MECOM: variants seen among roughly 807,000 people sequenced by gnomAD.
The protein encoded by MECOM is histone-lysine N-methyltransferase MECOM.
MECOM carries 13 observed loss-of-function variants against 116.3 expected under a neutral mutation model. The observed-to-expected ratio is 0.11, with a 90% CI of 0.07 to 0.18. The LOEUF is 0.18. Among genes scored for constraint, MECOM ranks in the 10% least tolerant of loss-of-function variants. The pLI, the probability that MECOM is intolerant of heterozygous loss-of-function variation, is 1.00. For synonymous variants in MECOM, 528 were observed against 535.2 expected, an observed-to-expected ratio of 0.99 and a Z score of 0.19; for missense variants, 1,299 against 1,509.0, an observed-to-expected ratio of 0.86 and a Z score of 2.31.
chr3:169,103,367 A>C (rs1250155754), intron 10 of MECOM, among the ~76,000 whole-genome samples: 1 of 152,118 alleles, frequency 6.6e-6, no homozygotes, highest in East Asian at 1.9e-4. Context: ...TTTATTTGGA[A>C]GCTGCTTATT....
chr3:169,381,711 T>G (rs1051920668), intron 1 of MECOM, among the ~76,000 whole-genome samples, 187 bp from the exon 2 acceptor site: 6 of 152,182 alleles, frequency 3.9e-5, no homozygotes, highest in Admixed American at 3.3e-4. Flanking sequence ...CCTCTGTGGT[T>G]TATCTGTGGT....
intron 1 of MECOM, among the ~76,000 whole-genome samples, chr3:169,661,537 A>C (rs1419458816): frequency 6.6e-6 from 1 of 152,172 alleles, no homozygotes; most frequent in Non-Finnish European, 1.5e-5. Flanking sequence ...AAAGAGCCCT[A>C]TATTTAGGTT....
intron 2 of MECOM, among the ~76,000 whole-genome samples, chr3:169,360,930 C>G (rs1044543763): frequency 1.3e-4 from 19 of 151,766 alleles, no homozygotes; most frequent in African/African-American, 4.3e-4. Flanking sequence ...GTTCTCTAAA[C>G]TAGATCATAC....
chr3:169,173,866 A>T (rs1744785482), intron 2 of MECOM, among the ~76,000 whole-genome samples: 1 of 152,184 alleles, frequency 6.6e-6, no homozygotes, highest in South Asian at 2.1e-4. Flanking sequence ...AAGGCACTCC[A>T]TGTAGCCTCA....
At chr3:169,162,490 G>T (rs1742991911) in intron 2 of MECOM, among the ~76,000 whole-genome samples, 1 of 152,080 alleles carries the variant, frequency 6.6e-6, no homozygotes, top group Admixed American at 6.6e-5. Context: ...GGCATGGTAG[G>T]GGAAGCTTCA....
chr3:169,217,900 T>C (rs964744323), intron 2 of MECOM, among the ~76,000 whole-genome samples: 1 of 150,708 alleles, frequency 6.6e-6, no homozygotes, highest in Non-Finnish European at 1.5e-5. Context: ...CAGCATAGGG[T>C]AGTTTTTCTC....
intron 1 of MECOM, among the ~76,000 whole-genome samples, chr3:169,616,382 G>C (rs1770008422): frequency 6.6e-6 from 1 of 152,130 alleles, no homozygotes. Context: ...GTCTTGCTCT[G>C]TTGCCCAGGC....
At chr3:169,378,872 T>C (rs542500381) in intron 2 of MECOM, among the ~76,000 whole-genome samples, 13 of 152,198 alleles carry the variant, frequency 8.5e-5, no homozygotes, top group Non-Finnish European at 1.9e-4. Context: ...CCCTCAATAA[T>C]TGTTTGCTGA....
intron 2 of MECOM, among the ~76,000 whole-genome samples, chr3:169,205,197 A>G (rs551306682): frequency 3.9e-5 from 6 of 152,160 alleles, no homozygotes; most frequent in African/African-American, 7.2e-5. Context: ...GAATTTTTAT[A>G]AGTGAGTTAT....
intron 2 of MECOM, among the ~76,000 whole-genome samples, chr3:169,161,854 G>T (rs934247619): frequency 6.6e-6 from 1 of 152,064 alleles, no homozygotes; most frequent in Admixed American, 6.6e-5. Flanking sequence ...GGCCTATGCG[G>T]GGAACAATTA....
intron 2 of MECOM, chr3:169,146,828 C>G (rs1442507301): frequency 9.2e-7 from 1 of 1,082,512 alleles, no homozygotes; most frequent in Non-Finnish European, 1.1e-6. Context: ...GCACGAAAAT[C>G]CTTTCAAACG....
At position 169,470,161 on chromosome 3, in the gene MECOM, C is replaced by A. The variant is rs575324457; in HGVS notation, c.38-88637G>T. ...ATTTTGCAGAAGCTTGGAGTTGGAA[C>A]AATTCTAGCTTATTGAGGAGCTCTT... is the stretch of plus-strand genomic sequence containing the variant. On this transcript the variant is annotated intron_variant, in intron 1 of 16. Transcript: ENST00000651503. 4.9e-4 allele frequency: 75 copies of A among 152,274 alleles called. 2 individuals carry two copies. The highest frequency in any genetic ancestry group is 1.8e-3 in the African/African-American group (75 of 41,558). 9.4% of individuals were successfully genotyped at this position (152,274 alleles called of 1,614,324 possible).
intron 2 of MECOM, among the ~76,000 whole-genome samples, chr3:169,144,705 A>G (rs1739208158): frequency 6.6e-6 from 1 of 152,174 alleles, no homozygotes; most frequent in Non-Finnish European, 1.5e-5. Flanking sequence ...ACTAACAGCA[A>G]TAATGTCTTA....
chr3:169,222,931 A>G (rs897725714), intron 2 of MECOM, among the ~76,000 whole-genome samples: 1 of 152,124 alleles, frequency 6.6e-6, no homozygotes, highest in Non-Finnish European at 1.5e-5. Context: ...TCATGGAACA[A>G]TTAGATTTTT....
At chr3:169,286,072 T>C (rs914488712) in intron 2 of MECOM, among the ~76,000 whole-genome samples, 11 of 152,210 alleles carry the variant, frequency 7.2e-5, no homozygotes, top group Admixed American at 2.0e-4. Context: ...AAGGAACCCA[T>C]AAGAAAATCT....
Position 169,165,960 on chromosome 3 carries a change from A to G in MECOM, c.376-22128T>C, listed in dbSNP as rs1010369428. ...TTTCAGCTTTCAACAGCTTAAGTGA[A>G]GGGATTTTTAATGTTCCCAAACAGC... On this transcript the variant is annotated intron_variant, in intron 2 of 16. Transcript: ENST00000651503. Among the ~76,000 whole-genome samples the G allele has an allele frequency of 4.6e-5, 7 of 152,158 alleles. No homozygotes were observed. The South Asian group carries it at 1.4e-3, about 32-fold the overall frequency.
chr3:169,287,233 G>A (rs1194287560), intron 2 of MECOM, among the ~76,000 whole-genome samples: 4 of 152,194 alleles, frequency 2.6e-5, no homozygotes, highest in East Asian at 1.9e-4. Context: ...CGGATGGAGA[G>A]GGCCTGAAAG....
chr3:169,647,069 A>T (rs1050126399), intron 1 of MECOM, among the ~76,000 whole-genome samples: 2 of 152,174 alleles, frequency 1.3e-5, no homozygotes, highest in Non-Finnish European at 2.9e-5. Context: ...CCAAAATCTT[A>T]TTACGTTTTA....
At chr3:169,477,146 TATACAC>T (rs1333111221) in intron 1 of MECOM, 7 of 44,834 alleles carry the variant, frequency 1.6e-4, no homozygotes, top group African/African-American at 5.3e-4. Flanking sequence ...TATATATATA[TATACAC>T]ACACACACAA....
Sources: gnomAD v4.1 joint callset for allele counts (sites outside exome capture counted in the v4.1 genomes callset) on GRCh38, gnomAD v4.1.1 for gene constraint, MANE v1.5 for transcripts, NCBI Gene and HGNC (gene_info 2026-07-23, HGNC 2026-07-21) for gene names.